The following LIMS1 variants were observed in gnomAD, a reference collection of about 807,000 sequenced individuals.
LIMS1 encodes LIM and senescent cell antigen-like-containing domain protein 1.
In LIMS1, 18 loss-of-function variants were observed where a neutral mutation model predicts 44.1. The observed-to-expected ratio is 0.41, with a 90% CI of 0.28 to 0.61. The LOEUF is 0.61. Ranked by LOEUF, LIMS1 falls within the 20% of genes least tolerant of loss-of-function variation. The probability of loss-of-function intolerance (pLI) is 0.32; values close to 1 mark genes in which losing one functional copy is unlikely to be tolerated. For missense variants in LIMS1, 201 were observed against 422.0 expected (o/e 0.48, Z 4.59); for synonymous variants, 93 against 149.1 (o/e 0.62, Z 2.74).
At chr2:108,681,621 A>G (rs1693000306) in intron 9 of LIMS1, 1 of 955,432 alleles carries the variant, frequency 1.0e-6, no homozygotes, top group South Asian at 4.8e-5. Flanking sequence ...TAAGTTATGT[A>G]TTAAATTATT....
intron 1 of LIMS1, among the ~76,000 whole-genome samples, chr2:108,582,795 C>A (rs1429145588): frequency 6.6e-6 from 1 of 151,962 alleles, no homozygotes. Context: ...AAAAAAGATA[C>A]CATCATGAAG....
chr2:108,641,465 G>A (rs1382080869), intron 1 of LIMS1, among the ~76,000 whole-genome samples: 1 of 152,142 alleles, frequency 6.6e-6, no homozygotes, highest in Non-Finnish European at 1.5e-5. Flanking sequence ...TTGGGCCCCT[G>A]GGATGGGGTT....
At chr2:108,686,935 A>C (rs1478970914) in exon 10 of LIMS1, 1 of 152,238 alleles carries the variant, frequency 6.6e-6, no homozygotes, top group Non-Finnish European at 1.5e-5. Flanking sequence ...TGTTCATGCC[A>C]AAATTCTAAG....
intron 1 of LIMS1, chr2:108,621,457 C>T: frequency 6.5e-7 from 1 of 1,550,014 alleles, no homozygotes; most frequent in Non-Finnish European, 8.7e-7. Flanking sequence ...AGAGGAAGAG[C>T]TAAGGTGAGT....
At chr2:108,584,980 G>C (rs10191039) in intron 1 of LIMS1, among the ~76,000 whole-genome samples, 54,900 of 151,544 alleles carry the variant, frequency 0.36, 11,806 homozygotes, top group East Asian at 0.88. Context: ...GTGAAACCCT[G>C]TCTCTACCAA....
intron 1 of LIMS1, among the ~76,000 whole-genome samples, chr2:108,542,411 A>G (rs1021320539): frequency 7.9e-5 from 12 of 152,196 alleles, no homozygotes; most frequent in Non-Finnish European, 1.6e-4. Flanking sequence ...TAGGATCTTT[A>G]TATCTATTTT....
At chr2:108,608,761 CT>C (rs926084507) in intron 1 of LIMS1, among the ~76,000 whole-genome samples, 1 of 152,144 alleles carries the variant, frequency 6.6e-6, no homozygotes, top group Non-Finnish European at 1.5e-5. Context: ...GATGGGGCCC[CT>C]GATGCCCATT....
chr2:108,619,953 C>T (rs1688146564), intron 1 of LIMS1, among the ~76,000 whole-genome samples: 1 of 152,148 alleles, frequency 6.6e-6, no homozygotes, highest in Non-Finnish European at 1.5e-5. Flanking sequence ...TAACTGTCAA[C>T]TGATTTTTTA....
chr2:108,615,518 C>T (rs1293862950), intron 1 of LIMS1, among the ~76,000 whole-genome samples: 3 of 152,150 alleles, frequency 2.0e-5, no homozygotes, highest in South Asian at 2.1e-4. Flanking sequence ...TCCTTATCTA[C>T]TCTAGAGCTC....
chr2:108,671,578 G>A (rs1692165082), intron 3 of LIMS1, among the ~76,000 whole-genome samples: 3 of 152,156 alleles, frequency 2.0e-5, no homozygotes. Context: ...CCACTTCACT[G>A]GTTGCTAATA....
At chr2:108,645,886 A>C (rs956890925) in intron 1 of LIMS1, among the ~76,000 whole-genome samples, 1 of 152,120 alleles carries the variant, frequency 6.6e-6, no homozygotes, top group Non-Finnish European at 1.5e-5. Context: ...AACTACAAAG[A>C]TCAAGAGACA....
At position 108,575,027 on chromosome 2, in the gene LIMS1, A is replaced by G. The variant is rs112950886; in HGVS notation, c.32+40433A>G. 5.0e-4 allele frequency among the ~76,000 whole-genome samples: 76 copies of G among 152,278 alleles called. 1 individual carries two copies. The highest frequency in any genetic ancestry group is 1.7e-3 in the African/African-American group (69 of 41,554). ...TTTTTAGGTTGAAATTTAATAATTC[A>G]TATAAGTGTCCTTTGAAATTTGGCA... On this transcript the variant is annotated intron_variant, in intron 1 of 9. Transcript: ENST00000544547.
At chr2:108,680,503 C>T (rs1489929114) in intron 8 of LIMS1, among the ~76,000 whole-genome samples, 192 bp from the exon 9 acceptor site, 1 of 145,124 alleles carries the variant, frequency 6.9e-6, no homozygotes, top group Non-Finnish European at 1.5e-5. Flanking sequence ...TGCCACTGTA[C>T]TCCAGCCTGG....
intron 1 of LIMS1, among the ~76,000 whole-genome samples, chr2:108,626,734 T>A (rs2148885724): frequency 6.6e-6 from 1 of 152,356 alleles, no homozygotes; most frequent in African/African-American, 2.4e-5. Context: ...AATTATTAAC[T>A]TTTTATTTAT....
At chr2:108,642,605 C>T (rs149576564) in intron 1 of LIMS1, among the ~76,000 whole-genome samples, 4,431 of 152,012 alleles carry the variant, frequency 0.029, 143 homozygotes, top group South Asian at 0.14. Context: ...GTGATCCGCC[C>T]GCCTCGGCCT....
At chr2:108,589,682 C>T (rs1046744602) in intron 1 of LIMS1, among the ~76,000 whole-genome samples, 3 of 152,080 alleles carry the variant, frequency 2.0e-5, no homozygotes, top group Non-Finnish European at 4.4e-5. Context: ...TGCTGCATCC[C>T]ATAAGTTTTA....
chr2:108,563,461 T>C (rs988221244), intron 1 of LIMS1, among the ~76,000 whole-genome samples: 1 of 152,226 alleles, frequency 6.6e-6, no homozygotes, highest in African/African-American at 2.4e-5. Flanking sequence ...CCAGCCTTCA[T>C]GGATGACTTT....
At chr2:108,627,043 T>A (rs1688615987) in intron 1 of LIMS1, among the ~76,000 whole-genome samples, 1 of 152,238 alleles carries the variant, frequency 6.6e-6, no homozygotes, top group African/African-American at 2.4e-5. Context: ...TTTTTAGCTA[T>A]TTTATATATA....
At chr2:108,642,700 G>C (rs13385259) in intron 1 of LIMS1, among the ~76,000 whole-genome samples, 3 of 152,076 alleles carry the variant, frequency 2.0e-5, no homozygotes, top group African/African-American at 7.2e-5. Context: ...AAAAAATGTT[G>C]GCTGCTATTT....
Sources: allele counts gnomAD v4.1 joint callset (sites outside exome capture counted in the v4.1 genomes callset), GRCh38; gene constraint gnomAD v4.1.1; transcripts MANE v1.5; gene names NCBI Gene and HGNC (gene_info 2026-07-23, HGNC 2026-07-21).